The following SCN9A variants were observed in gnomAD, a reference collection of about 807,000 sequenced individuals.
SCN9A encodes the protein sodium channel protein type 9 subunit alpha.
A neutral mutation model predicts 187.0 loss-of-function variants in SCN9A; 131 were observed. That is an observed-to-expected ratio of 0.70 (90% confidence interval 0.61 to 0.81). The LOEUF is 0.81. Among genes scored for constraint, SCN9A ranks in the 30% least tolerant of loss-of-function variants. The pLI is 0.00. For synonymous variants in SCN9A, 809 were observed against 808.6 expected (o/e 1.00, Z -0.01); for missense variants, 2,252 against 2,396.6 (o/e 0.94, Z 1.26).
At chr2:166,361,282 G>C (rs1320922498) in intron 1 of SCN9A, among the ~76,000 whole-genome samples, 2 of 151,998 alleles carry the variant, frequency 1.3e-5, no homozygotes, top group Admixed American at 6.6e-5. Context: ...ATGTTCTTAG[G>C]AACGAGAATA....
rs571201597 is a variant in SCN9A at position 166,316,675 on chromosome 2, T to C, written c.-50-4869A>G. Among the ~76,000 whole-genome samples, 6 of 152,246 alleles carry C rather than the reference T, an allele frequency of 3.9e-5. 1 individual carries two copies. Among genetic ancestry groups the C allele is most frequent in the African/African-American group, 1.2e-4 (5 of 41,560 alleles). On this transcript the variant is annotated intron_variant, in intron 1 of 26. Coordinates refer to ENST00000642356, the MANE Select transcript of SCN9A (RefSeq NM_001365536.1). ...TGCCACTGCACTCCAGCCTGGGCAATAGAGCGAGACTCCGTCTCAAATAAA... is the reference window on the plus strand; with the variant it reads ...TGCCACTGCACTCCAGCCTGGGCAACAGAGCGAGACTCCGTCTCAAATAAA...
chr2:166,284,344 T>C, intron 12 of SCN9A, 109 bp downstream of exon 12: 2 of 1,289,012 alleles, frequency 1.6e-6, no homozygotes, highest in Non-Finnish European at 1.1e-6. Context: ...GAAAAAGTAT[T>C]GCAAAATGCA....
chr2:166,285,868 T>A (rs62178473), intron 11 of SCN9A, among the ~76,000 whole-genome samples: 329 of 152,178 alleles, frequency 2.2e-3, no homozygotes, highest in Admixed American at 4.8e-3. Flanking sequence ...ATATTAGTAG[T>A]TGATGTGGTT....
chr2:166,199,932 A>C, intron 26 of SCN9A, 68 bp from the exon 27 acceptor site: 1 of 1,139,920 alleles, frequency 8.8e-7, no homozygotes, highest in Non-Finnish European at 1.3e-6. Context: ...TGATGACTCT[A>C]AACAGTTTTA....
At chr2:166,275,402 T>C (rs1474598515) in intron 16 of SCN9A, among the ~76,000 whole-genome samples, 1 of 151,902 alleles carries the variant, frequency 6.6e-6, no homozygotes, top group East Asian at 1.9e-4. Flanking sequence ...CTGGCCAACA[T>C]GACGAAAACC....
At chr2:166,280,283 A>G (rs1456104813) in intron 14 of SCN9A, 74 bp downstream of exon 14, 1 of 867,386 alleles carries the variant, frequency 1.2e-6, no homozygotes, top group South Asian at 1.7e-5. Flanking sequence ...CATCTGACAT[A>G]AAAAATATGA....
chr2:166,292,481 A>T (rs1471831068), intron 9 of SCN9A, among the ~76,000 whole-genome samples: 1 of 152,116 alleles, frequency 6.6e-6, no homozygotes, highest in Non-Finnish European at 1.5e-5. Flanking sequence ...GAATTCATTT[A>T]TAATATTCTC....
chr2:166,349,902 G>A (rs1291019171), intron 1 of SCN9A, among the ~76,000 whole-genome samples: 1 of 152,028 alleles, frequency 6.6e-6, no homozygotes, highest in African/African-American at 2.4e-5. Context: ...AACCTGGGAG[G>A]CGGAGGTTGT....
In SCN9A at chr2:166,198,605, A is replaced by C. The variant is rs1351088622; in HGVS notation, c.*67T>G. On this transcript the variant is annotated 3_prime_UTR_variant, in exon 27 of 27. Coordinates refer to ENST00000642356, the MANE Select transcript of SCN9A (RefSeq NM_001365536.1). ...AAAGGATTTTGGCATAGACTTCCTC[A>C]AAAGAGTTTTATTAACACAAATAAA... 4.8e-6 allele frequency: 6 copies of C among 1,251,416 alleles called. No homozygotes were observed. Among genetic ancestry groups the C allele is most frequent in the Non-Finnish European group, 6.6e-6 (6 of 914,624 alleles). 77.5% of individuals were successfully genotyped at this position (1,251,416 alleles called of 1,614,324 possible).
chr2:166,313,963 G>T (rs1699042903), intron 1 of SCN9A, among the ~76,000 whole-genome samples: 1 of 152,134 alleles, frequency 6.6e-6, no homozygotes, highest in African/African-American at 2.4e-5. Context: ...GGAAGCCTGA[G>T]GAAAGGGAGA....
intron 7 of SCN9A, chr2:166,296,126 TTAAG>T (rs780639638): frequency 2.0e-5 from 3 of 152,336 alleles, no homozygotes; most frequent in Admixed American, 6.5e-5. Flanking sequence ...CTATCCCTTC[TTAAG>T]TAAGTGAATT....
intron 20 of SCN9A, 102 bp downstream of exon 20, chr2:166,237,992 T>C: frequency 1.3e-6 from 1 of 797,382 alleles, no homozygotes; most frequent in Non-Finnish European, 2.0e-6. Flanking sequence ...TATATGAAGC[T>C]TAACAAAATT....
intron 1 of SCN9A, among the ~76,000 whole-genome samples, chr2:166,344,382 G>A (rs1699853737): frequency 6.6e-6 from 1 of 152,102 alleles, no homozygotes; most frequent in African/African-American, 2.4e-5. Context: ...TCACCTGGGA[G>A]TCAACATGAA....
chr2:166,330,532 C>T (rs1699475770), intron 1 of SCN9A, among the ~76,000 whole-genome samples: 1 of 152,058 alleles, frequency 6.6e-6, no homozygotes, highest in African/African-American at 2.4e-5. Flanking sequence ...GTGTATATTA[C>T]CAGACATTTT....
chr2:166,305,690 C>A (rs1359474493), intron 5 of SCN9A, 102 bp downstream of exon 5: 1 of 1,463,332 alleles, frequency 6.8e-7, no homozygotes, highest in East Asian at 2.3e-5. Context: ...TACAGACATT[C>A]CATGCTGGAA....
chr2:166,226,543 A>G (rs200971786), intron 24 of SCN9A, 24 bp downstream of exon 24: 58 of 1,478,994 alleles, frequency 3.9e-5, no homozygotes, highest in Non-Finnish European at 4.5e-5. Context: ...TTTCATTACA[A>G]TGAAAAATAT....
intron 19 of SCN9A, among the ~76,000 whole-genome samples, chr2:166,241,631 G>A (rs10930211): frequency 0.83 from 125,492 of 151,986 alleles, 52,146 homozygotes; most frequent in East Asian, 0.94. Flanking sequence ...GAAAATTCCT[G>A]TTCGTCTTTC....
chr2:166,225,356 T>A (rs774851266), intron 24 of SCN9A, among the ~76,000 whole-genome samples: 13 of 152,198 alleles, frequency 8.5e-5, no homozygotes, highest in Non-Finnish European at 1.8e-4. Flanking sequence ...ACTCTGACTG[T>A]CATGTATATT....
chr2:166,303,886 T>C, intron 6 of SCN9A: 1 of 830,496 alleles, frequency 1.2e-6, no homozygotes, highest in Admixed American at 2.2e-5. Flanking sequence ...CCCATGCAAT[T>C]GATTAAACTC....
Sources: allele counts gnomAD v4.1 joint callset (sites outside exome capture counted in the v4.1 genomes callset), GRCh38; gene constraint gnomAD v4.1.1; transcripts MANE v1.5; gene names NCBI Gene and HGNC (gene_info 2026-07-23, HGNC 2026-07-21).